The following MTUS2 variants were observed in gnomAD, a reference collection of about 807,000 sequenced individuals.
MTUS2 encodes the protein microtubule associated scaffold protein 2, also known as microtubule-associated tumor suppressor candidate 2.
MTUS2 carries 40 observed loss-of-function variants against 114.1 expected under a neutral mutation model. The observed-to-expected ratio is 0.35, with a 90% CI of 0.27 to 0.46. The LOEUF is 0.46. MTUS2 is among the 20% of genes least tolerant of loss of function. The probability of loss-of-function intolerance (pLI) is 1.00; values close to 1 mark genes in which losing one functional copy is unlikely to be tolerated. For missense variants in MTUS2, 1,679 were observed against 1,705.4 expected (o/e 0.98, Z 0.27); for synonymous variants, 688 against 672.0 (o/e 1.02, Z -0.37).
intron 4 of MTUS2, among the ~76,000 whole-genome samples, chr13:29,068,043 A>G (rs1022152081): frequency 2.0e-5 from 3 of 152,244 alleles, no homozygotes; most frequent in Non-Finnish European, 4.4e-5. Flanking sequence ...GGAAGTTTAA[A>G]TCAAATGGGA....
chr13:29,344,330 C>A (rs1868452996), intron 7 of MTUS2, among the ~76,000 whole-genome samples: 1 of 151,838 alleles, frequency 6.6e-6, no homozygotes, highest in African/African-American at 2.4e-5. Flanking sequence ...TTTGGGAGCT[C>A]CAGTGTTAGG....
At chr13:29,348,783 C>T (rs1868963166) in intron 7 of MTUS2, among the ~76,000 whole-genome samples, 1 of 152,184 alleles carries the variant, frequency 6.6e-6, no homozygotes, top group Non-Finnish European at 1.5e-5. Flanking sequence ...GAATTGGCCA[C>T]TTTATCATTA....
At chr13:29,073,340 A>T (rs1889030552) in intron 4 of MTUS2, among the ~76,000 whole-genome samples, 1 of 152,208 alleles carries the variant, frequency 6.6e-6, no homozygotes, top group Non-Finnish European at 1.5e-5. Flanking sequence ...TTTTGTATTT[A>T]CCTTCAACCA....
At chr13:29,273,318 T>A (rs1017232411) in intron 5 of MTUS2, among the ~76,000 whole-genome samples, 3 of 152,190 alleles carry the variant, frequency 2.0e-5, no homozygotes, top group African/African-American at 7.2e-5. Context: ...AATGCTTTTT[T>A]AAGTATTATG....
At chr13:29,027,008 C>A in intron 3 of MTUS2, 105 bp downstream of exon 3, 1 of 1,196,346 alleles carries the variant, frequency 8.4e-7, no homozygotes, top group Non-Finnish European at 1.1e-6. Flanking sequence ...AAGTGAATTA[C>A]AGATTTTCAT....
intron 9 of MTUS2, among the ~76,000 whole-genome samples, chr13:29,469,581 C>T (rs1254537516): frequency 6.0e-5 from 9 of 150,908 alleles, no homozygotes; most frequent in Admixed American, 4.0e-4. Context: ...GAGCCAAGAT[C>T]GCGCCACTGC....
intron 5 of MTUS2, among the ~76,000 whole-genome samples, chr13:29,197,565 G>T (rs1242617934): frequency 1.3e-5 from 2 of 151,338 alleles, no homozygotes; most frequent in Admixed American, 6.6e-5. Context: ...ATGATTCTTT[G>T]GGTATATACT....
chr13:29,187,231 TAGA>T (rs1431082589), intron 5 of MTUS2, among the ~76,000 whole-genome samples: 1 of 149,674 alleles, frequency 6.7e-6, no homozygotes, highest in African/African-American at 2.5e-5. Context: ...CCAAAGCAAG[TAGA>T]AGGAGGGAAA....
At chr13:28,968,403 G>A (rs1883698604) in intron 2 of MTUS2, among the ~76,000 whole-genome samples, 1 of 152,138 alleles carries the variant, frequency 6.6e-6, no homozygotes, top group African/African-American at 2.4e-5. Context: ...TTTTTAAAAA[G>A]TGTAGTTATG....
chr13:28,862,287 C>T (rs1877035187), intron 2 of MTUS2, among the ~76,000 whole-genome samples: 2 of 152,170 alleles, frequency 1.3e-5, no homozygotes, highest in African/African-American at 2.4e-5. Flanking sequence ...AGCAGGAACG[C>T]AATCAAACAT....
Position 29,501,206 on chromosome 13 carries a change from G to C in MTUS2, c.3896+12G>C. On this transcript the variant is annotated intron_variant, in intron 15 of 15. Transcript: ENST00000612955. ...ACAGTTGTCACCAGGTAGGTGGGCTGGGTGTCACCTACAAAGTGACTTTCC... is the reference window on the plus strand; with the variant it reads ...ACAGTTGTCACCAGGTAGGTGGGCTCGGTGTCACCTACAAAGTGACTTTCC... The C allele has an allele frequency of 6.2e-7, 1 of 1,601,590 alleles. No homozygotes were observed. Among genetic ancestry groups the C allele is most frequent in the Non-Finnish European group, 8.6e-7 (1 of 1,168,884 alleles).
At chr13:29,370,961 C>A (rs1188826599) in intron 8 of MTUS2, among the ~76,000 whole-genome samples, 1 of 152,114 alleles carries the variant, frequency 6.6e-6, no homozygotes, top group African/African-American at 2.4e-5. Context: ...GGAGTCTGTT[C>A]TTCAAGAAAA....
At chr13:29,028,402 C>T (rs1039329902) in intron 3 of MTUS2, among the ~76,000 whole-genome samples, 5 of 152,064 alleles carry the variant, frequency 3.3e-5, no homozygotes, top group African/African-American at 1.2e-4. Flanking sequence ...CCAGGGCTGC[C>T]CAGGTTGCTT....
intron 6 of MTUS2, among the ~76,000 whole-genome samples, chr13:29,283,951 C>T (rs1898375087): frequency 6.6e-6 from 1 of 152,158 alleles, no homozygotes; most frequent in Middle Eastern, 3.2e-3. Context: ...CAGGCATTCT[C>T]ATACATTTTT....
chr13:29,454,903 A>G (rs945723221), intron 9 of MTUS2, among the ~76,000 whole-genome samples: 3 of 152,222 alleles, frequency 2.0e-5, no homozygotes, highest in South Asian at 2.1e-4. Flanking sequence ...CCATAATAGC[A>G]TAACTGTTAC....
rs190224634 is a variant in MTUS2, at chr13:29,245,573, C to T, written c.2645-36131C>T. 1.2e-4 allele frequency among the ~76,000 whole-genome samples: 18 copies of T among 152,324 alleles called. No individual in the cohort carries two copies. The East Asian group carries it at 1.7e-3, about 15-fold the overall frequency. On this transcript the variant is annotated intron_variant, in intron 5 of 15. Transcript: ENST00000612955. ...TCATGAAAGAGAAAGTCTTCATATA[C>T]GTTGCCATTCTTTGAAGATCCCTCT...
At chr13:28,836,485 A>G (rs1334453773) in intron 1 of MTUS2, among the ~76,000 whole-genome samples, 2 of 152,230 alleles carry the variant, frequency 1.3e-5, no homozygotes, top group East Asian at 3.8e-4. Context: ...AAAAAATCAT[A>G]GTCTGTTTCT....
intron 5 of MTUS2, among the ~76,000 whole-genome samples, chr13:29,224,293 C>T (rs1387731052): frequency 1.3e-5 from 2 of 152,208 alleles, no homozygotes; most frequent in South Asian, 2.1e-4. Flanking sequence ...CAAAAAGGCC[C>T]TTCATGTCTT....
Position 29,215,165 on chromosome 13 carries a change from T to C in MTUS2, c.2645-66539T>C, listed in dbSNP as rs561874931. ...GCTTGATGGATTTGGCTATTGATACTTGTGTATGCTTCACGAAGTTCTCTT... is the reference window on the plus strand; with the variant it reads ...GCTTGATGGATTTGGCTATTGATACCTGTGTATGCTTCACGAAGTTCTCTT... On this transcript the variant is annotated intron_variant, in intron 5 of 15. Transcript: ENST00000612955. 7.2e-5 allele frequency among the ~76,000 whole-genome samples: 11 copies of C among 152,078 alleles called. No individual in the cohort carries two copies. The South Asian group carries it at 1.2e-3, about 17-fold the overall frequency.
Sources: gnomAD v4.1 joint callset for allele counts (sites outside exome capture counted in the v4.1 genomes callset) on GRCh38, gnomAD v4.1.1 for gene constraint, MANE v1.5 for transcripts, NCBI Gene and HGNC (gene_info 2026-07-23, HGNC 2026-07-21) for gene names.